Variants in MAGI1 observed in about 807,000 individuals in gnomAD.
MAGI1 encodes the protein membrane-associated guanylate kinase, WW and PDZ domain-containing protein 1.
MAGI1 carries 58 observed loss-of-function variants against 139.9 expected under a neutral mutation model. The observed-to-expected ratio is 0.41, with a 90% CI of 0.34 to 0.52. The LOEUF (loss-of-function observed/expected upper bound fraction) is 0.52, where lower values mean the gene tolerates loss of function less well. Among genes scored for constraint, MAGI1 ranks in the 20% least tolerant of loss-of-function variants. The probability of loss-of-function intolerance (pLI) is 0.12; values close to 1 mark genes in which losing one functional copy is unlikely to be tolerated. For synonymous variants in MAGI1, 812 were observed against 737.9 expected, an observed-to-expected ratio of 1.10 and a Z score of -1.63; for missense variants, 1,874 against 1,901.6, an observed-to-expected ratio of 0.99 and a Z score of 0.27.
At chr3:65,768,041 T>G (rs1273193437) in intron 1 of MAGI1, among the ~76,000 whole-genome samples, 3 of 152,220 alleles carry the variant, frequency 2.0e-5, no homozygotes, top group Non-Finnish European at 4.4e-5. Flanking sequence ...TAAACTTAAT[T>G]TGTTGAAATT....
intron 10 of MAGI1, among the ~76,000 whole-genome samples, chr3:65,431,229 C>G (rs1947429090): frequency 6.6e-6 from 1 of 152,154 alleles, no homozygotes; most frequent in African/African-American, 2.4e-5. Context: ...TGGAACTGGT[C>G]TGTTTTATGT....
intron 5 of MAGI1, among the ~76,000 whole-genome samples, chr3:65,457,716 G>A (rs1250173781): frequency 6.6e-6 from 1 of 151,974 alleles, no homozygotes; most frequent in Non-Finnish European, 1.5e-5. Flanking sequence ...AAGATACTTC[G>A]ATACAGACAT....
chr3:65,911,766 C>A (rs530285611), intron 1 of MAGI1, among the ~76,000 whole-genome samples: 14 of 152,286 alleles, frequency 9.2e-5, no homozygotes, highest in African/African-American at 2.9e-4. Context: ...ACTTTTATAG[C>A]CCATTGGATT....
chr3:65,431,886 G>C (rs1464620971), intron 10 of MAGI1, among the ~76,000 whole-genome samples: 2 of 152,062 alleles, frequency 1.3e-5, no homozygotes, highest in Non-Finnish European at 2.9e-5. Context: ...CCAGCTACTT[G>C]GGAGGCTGAG....
At chr3:65,738,706 T>C (rs73133509) in intron 1 of MAGI1, among the ~76,000 whole-genome samples, 6,560 of 152,314 alleles carry the variant, frequency 0.043, 193 homozygotes, top group Non-Finnish European at 0.06. Flanking sequence ...TACATCTCCA[T>C]CAGAGCTCTT....
At chr3:65,941,688 G>T (rs1490408195) in intron 1 of MAGI1, among the ~76,000 whole-genome samples, 1 of 151,428 alleles carries the variant, frequency 6.6e-6, no homozygotes, top group Admixed American at 6.6e-5. Context: ...AAGCTCTTGA[G>T]TTTGGCTTCT....
intron 2 of MAGI1, among the ~76,000 whole-genome samples, chr3:65,535,988 C>G (rs918800607): frequency 3.9e-5 from 6 of 152,184 alleles, no homozygotes; most frequent in Non-Finnish European, 8.8e-5. Flanking sequence ...CCATGAGGGG[C>G]ACATGGGAAC....
chr3:65,364,796 T>A (rs764156314), intron 19 of MAGI1, 57 bp downstream of exon 19: 2 of 1,606,762 alleles, frequency 1.2e-6, no homozygotes, highest in African/African-American at 2.7e-5. Context: ...GGACATATAT[T>A]GTCATGCTGG....
intron 2 of MAGI1, among the ~76,000 whole-genome samples, chr3:65,511,275 T>A (rs1284377008): frequency 6.7e-6 from 1 of 149,746 alleles, no homozygotes; most frequent in Non-Finnish European, 1.5e-5. Context: ...GCTAACATCA[T>A]AATGACAGGA....
intron 4 of MAGI1, among the ~76,000 whole-genome samples, chr3:65,473,745 G>T (rs1178888001): frequency 7.6e-6 from 1 of 132,094 alleles, no homozygotes; most frequent in African/African-American, 2.5e-5. Context: ...ATTTCCTGGA[G>T]GAAAAAAAAA....
chr3:65,766,533 G>T (rs1410688724), intron 1 of MAGI1, among the ~76,000 whole-genome samples: 4 of 152,122 alleles, frequency 2.6e-5, no homozygotes, highest in Non-Finnish European at 4.4e-5. Context: ...GAAAGTGCTG[G>T]GATTACAGGC....
At chr3:65,789,622 C>T (rs183121199) in intron 1 of MAGI1, among the ~76,000 whole-genome samples, 6 of 152,270 alleles carry the variant, frequency 3.9e-5, no homozygotes, top group Non-Finnish European at 8.8e-5. Context: ...ATCCAAGTCT[C>T]TGAGCCCAAA....
intron 2 of MAGI1, among the ~76,000 whole-genome samples, chr3:65,596,225 A>C (rs1287218389): frequency 6.6e-6 from 1 of 152,182 alleles, no homozygotes; most frequent in African/African-American, 2.4e-5. Flanking sequence ...CCCCAAAGAC[A>C]GTATGTCATT....
At chr3:65,919,287 T>C (rs1243982513) in intron 1 of MAGI1, among the ~76,000 whole-genome samples, 5 of 152,146 alleles carry the variant, frequency 3.3e-5, no homozygotes. Context: ...AAGGGCCAGA[T>C]GTAATGGCTC....
intron 1 of MAGI1, among the ~76,000 whole-genome samples, chr3:65,942,499 C>T (rs919153868): frequency 6.6e-6 from 1 of 152,150 alleles, no homozygotes; most frequent in Non-Finnish European, 1.5e-5. Context: ...TTGGCATGAT[C>T]CCGACTCTAA....
intron 1 of MAGI1, among the ~76,000 whole-genome samples, chr3:66,029,844 C>A (rs956710738): frequency 1.3e-5 from 2 of 152,160 alleles, no homozygotes; most frequent in Non-Finnish European, 2.9e-5. Context: ...ATGCTGTGCA[C>A]AGACCTATCC....
At chr3:65,785,045 T>C (rs939366298) in intron 1 of MAGI1, among the ~76,000 whole-genome samples, 1 of 152,194 alleles carries the variant, frequency 6.6e-6, no homozygotes, top group East Asian at 1.9e-4. Context: ...ATACTGATAG[T>C]CGCACACGCT....
At position 65,361,234 on chromosome 3, in the gene MAGI1, A is replaced by G. The variant is rs138217245; in HGVS notation, c.3599T>C (p.Phe1200Ser). The G allele has an allele frequency of 1.3e-5, 21 of 1,614,034 alleles. No homozygotes were observed. Among genetic ancestry groups the G allele is most frequent in the Non-Finnish European group, 1.6e-5 (19 of 1,180,008 alleles). ...IKNGGRRVRL[F>S]LKRGDGSVPE... ...TACTGAGCCGTCTCCCCGCTTCAGA[A>G]ACAGACGAACTCTGCGGCCACCATT... The change falls in exon 22 of 23, where the codon TTT becomes TCT. Residue 1200 changes from phenylalanine to serine, a missense_variant. This residue lies in a region of MAGI1 where 653 missense variants were observed against 644.5 expected (regional missense o/e 1.01). Transcript: ENST00000402939.
At chr3:65,421,549 T>C (rs751400831) in intron 12 of MAGI1, among the ~76,000 whole-genome samples, 33 of 152,330 alleles carry the variant, frequency 2.2e-4, no homozygotes, top group Middle Eastern at 3.4e-3. Flanking sequence ...AAATTGTAAC[T>C]TGCTGATAGC....
Sources: gnomAD v4.1 joint callset for allele counts (sites outside exome capture counted in the v4.1 genomes callset) on GRCh38, gnomAD v4.1.1 for gene constraint, gnomAD v4.1.1 regional missense constraint, MANE v1.5 for transcripts, NCBI Gene and HGNC (gene_info 2026-07-23, HGNC 2026-07-21) for gene names.